The following ARHGAP10 variants were observed in gnomAD, a reference collection of about 807,000 sequenced individuals.
ARHGAP10 encodes rho GTPase-activating protein 10.
Under a neutral mutation model 108.6 loss-of-function variants are expected in ARHGAP10, and 87 were observed. The ratio of observed to expected loss-of-function variants is 0.80; its 90% CI spans 0.67 to 0.96. ARHGAP10 has a LOEUF of 0.96. ARHGAP10 is among the 40% of genes least tolerant of loss of function. The pLI is 0.00. For synonymous variants in ARHGAP10, 347 were observed against 341.1 expected (o/e 1.02, Z -0.19); for missense variants, 939 against 954.5 (o/e 0.98, Z 0.21).
chr4:147,980,660 G>A lies in ARHGAP10; in HGVS notation c.1716+13821G>A, dbSNP rs183938790. Among the ~76,000 whole-genome samples, 47 of 152,184 alleles carry A rather than the reference G, an allele frequency of 3.1e-4. 1 individual carries two copies. In the South Asian group the frequency reaches 6.6e-3, roughly 22 times the overall value. Reference sequence around the variant, plus strand: ...TAGAATTTGGCTGTGAATCCATCTCGTCCAGGGCTTTTCTTGGTTGGTAGG... The same window carrying A: ...TAGAATTTGGCTGTGAATCCATCTCATCCAGGGCTTTTCTTGGTTGGTAGG... On this transcript the variant is annotated intron_variant, in intron 18 of 22. Transcript: ENST00000336498.
chr4:147,904,589 C>T (rs1225935400), intron 10 of ARHGAP10, among the ~76,000 whole-genome samples: 1 of 152,146 alleles, frequency 6.6e-6, no homozygotes, highest in East Asian at 1.9e-4. Context: ...GCATAGTATT[C>T]CATGATGTAT....
chr4:148,061,111 A>G (rs1435356864), intron 20 of ARHGAP10, among the ~76,000 whole-genome samples: 1 of 151,398 alleles, frequency 6.6e-6, no homozygotes, highest in Admixed American at 6.6e-5. Flanking sequence ...TTTTTTTTAA[A>G]GAAAGATGTG....
intron 1 of ARHGAP10, among the ~76,000 whole-genome samples, chr4:147,734,021 A>C (rs997092514): frequency 6.6e-6 from 1 of 151,608 alleles, no homozygotes; most frequent in Non-Finnish European, 1.5e-5. Context: ...GCGCCTATAC[A>C]TATGGAGGAG....
chr4:147,920,122 AACAAC>A (rs71892750), intron 13 of ARHGAP10, among the ~76,000 whole-genome samples: 19,608 of 151,084 alleles, frequency 0.13, 2,909 homozygotes, highest in African/African-American at 0.35. Context: ...TCTTTTAAAA[AACAAC>A]ATAACCTCGC....
intron 18 of ARHGAP10, among the ~76,000 whole-genome samples, chr4:148,004,314 A>G (rs1223044119): frequency 6.6e-6 from 1 of 152,238 alleles, no homozygotes; most frequent in Non-Finnish European, 1.5e-5. Flanking sequence ...TTTAATGCAA[A>G]AGTCAGAAAC....
At chr4:148,000,109 T>C (rs142950905) in intron 18 of ARHGAP10, among the ~76,000 whole-genome samples, 6,440 of 151,974 alleles carry the variant, frequency 0.042, 434 homozygotes, top group African/African-American at 0.15. Flanking sequence ...CAGTGTGTGA[T>C]GTTCCCCTTC....
At position 147,822,920 on chromosome 4, in the gene ARHGAP10, AT is replaced by A; in HGVS notation, c.281del (p.Leu94Ter). On this transcript the variant is annotated frameshift_variant, in exon 3 of 23. Coordinates refer to ENST00000336498, the MANE Select transcript of ARHGAP10 (RefSeq NM_024605.4). LOFTEE classifies it high-confidence loss of function. ...CIDASLREFS[N>X]FLKNLEEQRE... ...GATGCTTCCTTACGTGAATTTTCAA[AT>A]TTTTTGAAGAATCTGGAGGAACAGA... 1 of 1,614,036 alleles carries A rather than the reference AT, an allele frequency of 6.2e-7. No individual in the cohort carries two copies. Among genetic ancestry groups the A allele is most frequent in the South Asian group, 1.1e-5 (1 of 91,080 alleles).
intron 1 of ARHGAP10, among the ~76,000 whole-genome samples, chr4:147,804,371 AT>A (rs1290622023): frequency 1.3e-5 from 2 of 152,178 alleles, no homozygotes; most frequent in African/African-American, 4.8e-5. Context: ...CATGGTGTAT[AT>A]GTACCACATT....
At chr4:147,933,971 C>T (rs1737818754) in intron 13 of ARHGAP10, among the ~76,000 whole-genome samples, 2 of 152,174 alleles carry the variant, frequency 1.3e-5, no homozygotes, top group Admixed American at 6.5e-5. Flanking sequence ...TTGGCAAGCC[C>T]ATCTGGAAGC....
At chr4:147,903,678 C>T (rs1736341452) in intron 10 of ARHGAP10, among the ~76,000 whole-genome samples, 2 of 152,166 alleles carry the variant, frequency 1.3e-5, no homozygotes, top group East Asian at 1.9e-4. Context: ...TGACCTTTTC[C>T]AGAGTGTCAT....
Position 148,072,241 on chromosome 4 carries a change from C to A in ARHGAP10, c.*160C>A. The A allele has an allele frequency of 2.4e-4, 106 of 440,044 alleles. No homozygotes were observed. Among genetic ancestry groups the A allele is most frequent in the Non-Finnish European group, 3.1e-4 (76 of 243,588 alleles). 27.3% of individuals were successfully genotyped at this position (440,044 alleles called of 1,614,324 possible). A position where few individuals can be genotyped will look rare whatever the true frequency, so the allele number is the denominator to read the frequency against. On this transcript the variant is annotated 3_prime_UTR_variant, in exon 23 of 23. Coordinates refer to ENST00000336498, the MANE Select transcript of ARHGAP10 (RefSeq NM_024605.4). ...AGCCCTGGGGGTGGGGGGTGGTGGGCAGGGATGGGACGCACCACACAGAAC... is the reference window on the plus strand; with the variant it reads ...AGCCCTGGGGGTGGGGGGTGGTGGGAAGGGATGGGACGCACCACACAGAAC...
Position 147,743,065 on chromosome 4 carries a change from ACT to A in ARHGAP10, c.154+10613_154+10614del, listed in dbSNP as rs529464797. ...AATTTTTATTTTTGGAGACAGTCTC[ACT>A]CTGTCACCCAGGCTGCAGTGCTGTG... On this transcript the variant is annotated intron_variant, in intron 1 of 22. Transcript: ENST00000336498. Among the ~76,000 whole-genome samples, 233 of 147,004 alleles carry A rather than the reference ACT, an allele frequency of 1.6e-3. 3 individuals are homozygous for A. Among genetic ancestry groups the A allele is most frequent in the African/African-American group, 5.5e-3 (219 of 39,944 alleles).
At chr4:147,756,626 A>G (rs1185499322) in intron 1 of ARHGAP10, among the ~76,000 whole-genome samples, 3 of 152,184 alleles carry the variant, frequency 2.0e-5, no homozygotes, top group South Asian at 4.1e-4. Flanking sequence ...TGGGATGTGA[A>G]TCATCCCTTT....
chr4:147,862,993 A>C (rs1377869962), intron 5 of ARHGAP10: 1 of 152,198 alleles, frequency 6.6e-6, no homozygotes, highest in African/African-American at 2.4e-5. Flanking sequence ...AATATATATT[A>C]AAGTATTTGC....
At chr4:147,951,848 A>G (rs936701445) in intron 15 of ARHGAP10, among the ~76,000 whole-genome samples, 6 of 152,186 alleles carry the variant, frequency 3.9e-5, no homozygotes. Context: ...TAAGTTTGAT[A>G]TATGTATACC....
intron 13 of ARHGAP10, among the ~76,000 whole-genome samples, chr4:147,928,292 T>A (rs1737540207): frequency 6.6e-6 from 1 of 152,206 alleles, no homozygotes; most frequent in Non-Finnish European, 1.5e-5. Context: ...TTCTCACTTT[T>A]CTCCTGGGAT....
intron 18 of ARHGAP10, among the ~76,000 whole-genome samples, chr4:147,980,378 G>A (rs1739767880): frequency 6.6e-6 from 1 of 152,110 alleles, no homozygotes. Context: ...TACATCCCAG[G>A]AATAAAGCCT....
At chr4:148,015,172 G>A (rs1053073789) in intron 18 of ARHGAP10, among the ~76,000 whole-genome samples, 14 of 152,122 alleles carry the variant, frequency 9.2e-5, no homozygotes, top group African/African-American at 2.7e-4. Context: ...AGCCTCTTGC[G>A]TCTGTAATGC....
intron 1 of ARHGAP10, among the ~76,000 whole-genome samples, chr4:147,750,080 CAA>C (rs925749905): frequency 2.3e-4 from 35 of 152,114 alleles, no homozygotes; most frequent in Non-Finnish European, 4.1e-4. Flanking sequence ...GTCCAGAAAA[CAA>C]AGAGGCAACT....
Sources: allele counts gnomAD v4.1 joint callset (sites outside exome capture counted in the v4.1 genomes callset), GRCh38; gene constraint gnomAD v4.1.1; transcripts MANE v1.5; gene names NCBI Gene and HGNC (gene_info 2026-07-23, HGNC 2026-07-21).